SORCS3: variants seen among roughly 807,000 people sequenced by gnomAD.
SORCS3 encodes sortilin related VPS10 domain containing receptor 3, also known as VPS10 domain-containing receptor SorCS3.
SORCS3 carries 57 observed loss-of-function variants against 146.3 expected under a neutral mutation model. The observed-to-expected ratio is 0.39, with a 90% confidence interval of 0.31 to 0.49. The LOEUF is 0.49. Ranked by LOEUF, SORCS3 falls within the 20% of genes least tolerant of loss-of-function variation. The probability of loss-of-function intolerance (pLI) is 0.92; values close to 1 mark genes in which losing one functional copy is unlikely to be tolerated. For synonymous variants in SORCS3, 653 were observed against 618.5 expected (o/e 1.06, Z -0.83); for missense variants, 1,341 against 1,575.5 (o/e 0.85, Z 2.52).
intron 20 of SORCS3, among the ~76,000 whole-genome samples, chr10:105,225,999 A>G (rs2056731757): frequency 1.3e-5 from 2 of 151,884 alleles, no homozygotes; most frequent in South Asian, 4.1e-4. Flanking sequence ...TACATCAGCA[A>G]CAGGGAAAAT....
At chr10:104,877,025 C>CT (rs2018583454) in intron 2 of SORCS3, among the ~76,000 whole-genome samples, 2 of 151,606 alleles carry the variant, frequency 1.3e-5, no homozygotes, top group Non-Finnish European at 2.9e-5. Flanking sequence ...TTATTTTTTC[C>CT]TTTTTTTTGG....
At chr10:105,126,992 A>G (rs1192243257) in intron 7 of SORCS3, among the ~76,000 whole-genome samples, 1 of 152,130 alleles carries the variant, frequency 6.6e-6, no homozygotes, top group Non-Finnish European at 1.5e-5. Flanking sequence ...CAGCTCCATG[A>G]CCCATGGTAC....
chr10:104,795,208 A>G (rs1021899411), intron 1 of SORCS3, among the ~76,000 whole-genome samples: 1 of 152,212 alleles, frequency 6.6e-6, no homozygotes, highest in Non-Finnish European at 1.5e-5. Context: ...ACACTTGAAG[A>G]TATAACGAAG....
intron 14 of SORCS3, among the ~76,000 whole-genome samples, chr10:105,197,761 C>G (rs994597795): frequency 2.6e-5 from 4 of 152,168 alleles, no homozygotes; most frequent in Non-Finnish European, 5.9e-5. Context: ...CTCTAGGTGA[C>G]ATCACACCTT....
chr10:105,025,837 AACAC>A (rs57597161), intron 4 of SORCS3, among the ~76,000 whole-genome samples: 5,690 of 135,432 alleles, frequency 0.042, 244 homozygotes, highest in African/African-American at 0.12. Flanking sequence ...TGTCTTCTCA[AACAC>A]ACACACACAC....
intron 4 of SORCS3, among the ~76,000 whole-genome samples, chr10:104,982,404 T>C (rs1228739495): frequency 6.6e-6 from 1 of 152,168 alleles, no homozygotes; most frequent in Non-Finnish European, 1.5e-5. Flanking sequence ...CCTCCAGGAT[T>C]AGTAGGCGAT....
intron 1 of SORCS3, among the ~76,000 whole-genome samples, chr10:104,781,715 A>G (rs549810876): frequency 6.6e-6 from 1 of 152,366 alleles, no homozygotes; most frequent in East Asian, 1.9e-4. Flanking sequence ...GATAACAGTT[A>G]TCCTTTCTTG....
At chr10:104,836,334 AT>A (rs1404204154) in intron 1 of SORCS3, among the ~76,000 whole-genome samples, 1 of 152,190 alleles carries the variant, frequency 6.6e-6, no homozygotes, top group African/African-American at 2.4e-5. Context: ...CACAGCAACC[AT>A]TAAAAAAATC....
chr10:104,826,116 G>A (rs1368435102), intron 1 of SORCS3, among the ~76,000 whole-genome samples: 2 of 152,126 alleles, frequency 1.3e-5, no homozygotes, highest in Admixed American at 6.5e-5. Flanking sequence ...CTACTTGCAT[G>A]AGCGGGACAG....
At chr10:105,159,058 T>A (rs2056238900) in intron 11 of SORCS3, 64 bp downstream of exon 11, 1 of 1,215,076 alleles carries the variant, frequency 8.2e-7, no homozygotes, top group African/African-American at 1.5e-5. Context: ...TTGTCACCTC[T>A]TTTTGGATCA....
intron 1 of SORCS3, among the ~76,000 whole-genome samples, chr10:104,688,545 A>C (rs1386366103): frequency 6.6e-6 from 1 of 152,218 alleles, no homozygotes; most frequent in East Asian, 1.9e-4. Flanking sequence ...TTCTTGAAAG[A>C]AGCAGCCTGC....
At chr10:105,032,175 A>G (rs555718784) in intron 4 of SORCS3, among the ~76,000 whole-genome samples, 9 of 152,298 alleles carry the variant, frequency 5.9e-5, no homozygotes, top group African/African-American at 1.9e-4. Context: ...CTGGGCAACA[A>G]GAGTGAAACT....
At chr10:104,751,923 G>GCATA (rs1213723417) in intron 1 of SORCS3, among the ~76,000 whole-genome samples, 20 of 21,746 alleles carry the variant, frequency 9.2e-4, no homozygotes, top group South Asian at 2.9e-3. Flanking sequence ...CTAATAGGAA[G>GCATA]CATATATATA....
chr10:105,231,109 G>T (rs1158260645), intron 20 of SORCS3, among the ~76,000 whole-genome samples: 1 of 152,196 alleles, frequency 6.6e-6, no homozygotes, highest in Admixed American at 6.5e-5. Context: ...CAAGCAGGCT[G>T]CCTTGCTTCC....
At chr10:105,004,495 A>G (rs749562546) in intron 4 of SORCS3, among the ~76,000 whole-genome samples, 26 of 152,236 alleles carry the variant, frequency 1.7e-4, no homozygotes, top group Non-Finnish European at 3.2e-4. Context: ...CTGAAGTCAA[A>G]GGGATTGGAG....
chr10:104,664,162 G>A (rs576448033), intron 1 of SORCS3, among the ~76,000 whole-genome samples: 4 of 152,268 alleles, frequency 2.6e-5, no homozygotes, highest in African/African-American at 9.6e-5. Context: ...TTGGGGTGAC[G>A]TTGCATTAAG....
chr10:104,731,252 C>T (rs945564088), intron 1 of SORCS3, among the ~76,000 whole-genome samples: 1 of 152,186 alleles, frequency 6.6e-6, no homozygotes, highest in African/African-American at 2.4e-5. Context: ...ATGCTCCAGA[C>T]AGCTACTTCT....
Position 105,149,334 on chromosome 10 carries a change from G to A in SORCS3, c.1482+1538G>A, listed in dbSNP as rs144440518. On this transcript the variant is annotated intron_variant, in intron 9 of 26. Coordinates refer to ENST00000369701, the MANE Select transcript of SORCS3 (RefSeq NM_014978.3). ...ATGTCATTCGGTAGAAAACAAAATC[G>A]TAGAAATACCCTGATTTCCTAGAGA... 6.4e-4 allele frequency among the ~76,000 whole-genome samples: 97 copies of A among 152,204 alleles called. 1 individual carries two copies. The highest frequency in any genetic ancestry group is 2.1e-3 in the African/African-American group (88 of 41,548).
intron 22 of SORCS3, among the ~76,000 whole-genome samples, chr10:105,248,511 C>T (rs951846786): frequency 2.0e-5 from 3 of 151,932 alleles, no homozygotes; most frequent in Non-Finnish European, 2.9e-5. Context: ...GTCAAGAGAT[C>T]GAGACCATCC....
Sources: allele counts gnomAD v4.1 joint callset (sites outside exome capture counted in the v4.1 genomes callset), GRCh38; gene constraint gnomAD v4.1.1; transcripts MANE v1.5; gene names NCBI Gene and HGNC (gene_info 2026-07-23, HGNC 2026-07-21).